Variants in KCNMA1 observed in about 807,000 individuals in gnomAD.
KCNMA1 encodes Calcium-activated potassium channel subunit alpha-1.
KCNMA1 carries 29 observed loss-of-function variants against 140.0 expected under a neutral mutation model. That is an observed-to-expected ratio of 0.21 (90% CI 0.15 to 0.28). The LOEUF is 0.28. Among genes scored for constraint, KCNMA1 ranks in the 10% least tolerant of loss-of-function variants. The pLI is 1.00. For synonymous variants in KCNMA1, 612 were observed against 611.9 expected (o/e 1.00, Z 0.00); for missense variants, 880 against 1,602.2 (o/e 0.55, Z 7.70).
chr10:77,202,572 G>A (rs982615102), intron 3 of KCNMA1, among the ~76,000 whole-genome samples: 1 of 152,114 alleles, frequency 6.6e-6, no homozygotes, highest in Admixed American at 6.6e-5. Context: ...CCACACTGAG[G>A]AGCCAACAAG....
At chr10:77,015,524 C>G (rs1593674713) in intron 17 of KCNMA1, among the ~76,000 whole-genome samples, 1 of 152,098 alleles carries the variant, frequency 6.6e-6, no homozygotes, top group South Asian at 2.1e-4. Flanking sequence ...GGACAAGAAA[C>G]AGCACCCACA....
intron 18 of KCNMA1, chr10:77,008,157 C>CG (rs1308700389): frequency 6.5e-7 from 1 of 1,532,958 alleles, no homozygotes; most frequent in African/African-American, 1.4e-5. Context: ...AACTGGACTC[C>CG]GGGCTGCTGG....
At chr10:77,388,999 T>G (rs915812442) in intron 2 of KCNMA1, among the ~76,000 whole-genome samples, 1 of 152,202 alleles carries the variant, frequency 6.6e-6, no homozygotes, top group Non-Finnish European at 1.5e-5. Flanking sequence ...GGCAGAGGAA[T>G]AGTGATGTTT....
chr10:77,447,708 A>G (rs1297979916), intron 1 of KCNMA1, among the ~76,000 whole-genome samples: 1 of 152,226 alleles, frequency 6.6e-6, no homozygotes, highest in Admixed American at 6.5e-5. Flanking sequence ...CCTGGGATCA[A>G]GAACAGGGGC....
chr10:76,878,517 C>T (rs754231287), intron 29 of KCNMA1, among the ~76,000 whole-genome samples: 2 of 152,136 alleles, frequency 1.3e-5, no homozygotes, highest in African/African-American at 2.4e-5. Context: ...ATCAGAATAG[C>T]GACCAATGTT....
chr10:77,259,121 G>A (rs1434155214), intron 2 of KCNMA1, among the ~76,000 whole-genome samples: 1 of 152,066 alleles, frequency 6.6e-6, no homozygotes, highest in Non-Finnish European at 1.5e-5. Flanking sequence ...TTGACTTATG[G>A]AAGCACATGC....
intron 2 of KCNMA1, among the ~76,000 whole-genome samples, chr10:77,344,554 C>G (rs553594593): frequency 3.3e-5 from 5 of 152,128 alleles, no homozygotes; most frequent in Non-Finnish European, 7.4e-5. Context: ...TCCTGCTTGC[C>G]TCTCTTGGAA....
At chr10:77,365,568 T>A (rs1233653328) in intron 2 of KCNMA1, among the ~76,000 whole-genome samples, 3 of 152,210 alleles carry the variant, frequency 2.0e-5, no homozygotes, top group Non-Finnish European at 4.4e-5. Flanking sequence ...GGCTAGCCAC[T>A]TTACAAGGAT....
At chr10:77,491,482 A>G (rs148969650) in intron 1 of KCNMA1, among the ~76,000 whole-genome samples, 176 of 152,264 alleles carry the variant, frequency 1.2e-3, no homozygotes, top group African/African-American at 3.9e-3. Flanking sequence ...CACTGCTACA[A>G]TGAGGCCACC....
At chr10:77,446,236 G>C (rs1233450268) in intron 1 of KCNMA1, among the ~76,000 whole-genome samples, 2 of 152,228 alleles carry the variant, frequency 1.3e-5, no homozygotes, top group African/African-American at 4.8e-5. Context: ...AAACTAAACA[G>C]AGTCACTGCC....
chr10:77,254,240 T>TC (rs1555080114), intron 2 of KCNMA1, among the ~76,000 whole-genome samples: 2 of 151,418 alleles, frequency 1.3e-5, no homozygotes, highest in African/African-American at 2.4e-5. Flanking sequence ...TTTTTTTTTT[T>TC]AGACAGATCC....
At chr10:77,251,852 A>C (rs1007546611) in intron 2 of KCNMA1, among the ~76,000 whole-genome samples, 7 of 152,148 alleles carry the variant, frequency 4.6e-5, no homozygotes, top group African/African-American at 1.7e-4. Context: ...TCCAAGCCCC[A>C]GACCACACTA....
intron 20 of KCNMA1, among the ~76,000 whole-genome samples, chr10:76,968,162 T>A (rs1036433008): frequency 3.3e-5 from 5 of 152,130 alleles, no homozygotes; most frequent in African/African-American, 4.8e-5. Flanking sequence ...GTATTTAATA[T>A]ATATGGTATA....
intron 3 of KCNMA1, among the ~76,000 whole-genome samples, chr10:77,215,164 T>A (rs1028719795): frequency 2.6e-5 from 4 of 152,074 alleles, no homozygotes; most frequent in African/African-American, 9.7e-5. Flanking sequence ...CAGCGACTTG[T>A]CATTGAAGCC....
At chr10:77,525,420 A>G (rs1261674801) in intron 1 of KCNMA1, among the ~76,000 whole-genome samples, 2 of 152,160 alleles carry the variant, frequency 1.3e-5, no homozygotes, top group Non-Finnish European at 2.9e-5. Context: ...TGGAGACTCA[A>G]TGGTTGATCA....
In KCNMA1 at chr10:77,569,316, C is replaced by T. The variant is rs578180702; in HGVS notation, c.378+67949G>A. ...CAAAAGAACAAAGCTGGAGGCATCA[C>T]ACTACCTGACTTCAAACTATACTAC... is the stretch of plus-strand genomic sequence containing the variant. On this transcript the variant is annotated intron_variant, in intron 1 of 27. Transcript: ENST00000286628. Among the ~76,000 whole-genome samples the T allele has an allele frequency of 7.8e-4, 83 of 106,708 alleles. 2 individuals carry two copies. The highest frequency in any genetic ancestry group is 1.8e-3 in the Admixed American group (17 of 9,662). The allele number at this position is 106,708 out of a possible 152,430, so 70.0% of individuals were successfully genotyped here. A position where few individuals can be genotyped will look rare whatever the true frequency, so the allele number is the denominator to read the frequency against.
chr10:77,012,314 G>C (rs1358794629), intron 17 of KCNMA1: 10 of 1,465,558 alleles, frequency 6.8e-6, no homozygotes, highest in Non-Finnish European at 9.0e-6. Context: ...GTGACACACT[G>C]TGTCTGCTCA....
chr10:77,501,026 G>A (rs2154545062), intron 1 of KCNMA1, among the ~76,000 whole-genome samples: 1 of 152,348 alleles, frequency 6.6e-6, no homozygotes. Context: ...AAGCCCTCCA[G>A]GTTGTTCTAA....
chr10:77,203,152 C>T (rs11002079), intron 3 of KCNMA1, among the ~76,000 whole-genome samples: 13,805 of 152,122 alleles, frequency 0.091, 728 homozygotes, highest in African/African-American at 0.14. Flanking sequence ...CAGCTCAATC[C>T]GGGAACAAAT....
Sources: gnomAD v4.1 joint callset for allele counts (sites outside exome capture counted in the v4.1 genomes callset) on GRCh38, gnomAD v4.1.1 for gene constraint, MANE v1.5 for transcripts, NCBI Gene and HGNC (gene_info 2026-07-23, HGNC 2026-07-21) for gene names.